MAGI3: variants seen among roughly 807,000 people sequenced by gnomAD.
MAGI3 encodes the protein membrane-associated guanylate kinase, WW and PDZ domain-containing protein 3.
Under a neutral mutation model 121.8 loss-of-function variants are expected in MAGI3, and 43 were observed. That is an observed-to-expected ratio of 0.35 (90% CI 0.28 to 0.46). The LOEUF (loss-of-function observed/expected upper bound fraction) is 0.46, where lower values mean the gene tolerates loss of function less well. MAGI3 is among the 20% of genes least tolerant of loss of function. MAGI3 has a pLI of 1.00. For synonymous variants in MAGI3, 553 were observed against 639.3 expected (o/e 0.86, Z 2.04); for missense variants, 1,547 against 1,797.3 (o/e 0.86, Z 2.52).
chr1:113,601,743 A>G (rs900309507), intron 6 of MAGI3, among the ~76,000 whole-genome samples: 51 of 144,616 alleles, frequency 3.5e-4, no homozygotes, highest in African/African-American at 7.3e-4. Context: ...AAGGACTATA[A>G]ATCATGCTGC....
intron 19 of MAGI3, among the ~76,000 whole-genome samples, chr1:113,677,193 G>C (rs1206862164): frequency 6.6e-6 from 1 of 152,092 alleles, no homozygotes; most frequent in Non-Finnish European, 1.5e-5. Context: ...GAATGGAAAA[G>C]GTTCATATTA....
intron 1 of MAGI3, among the ~76,000 whole-genome samples, chr1:113,508,069 A>T (rs192663428): frequency 2.2e-4 from 33 of 152,356 alleles, no homozygotes; most frequent in African/African-American, 7.5e-4. Flanking sequence ...AAGGAAAGCT[A>T]TGTGGAGCTT....
intron 1 of MAGI3, among the ~76,000 whole-genome samples, chr1:113,412,897 C>T (rs1361674603): frequency 6.6e-6 from 1 of 152,108 alleles, no homozygotes; most frequent in Admixed American, 6.5e-5. Flanking sequence ...TCCCATTTGT[C>T]AATTTTGGCT....
chr1:113,392,780 TCTAA>T (rs879027271), intron 1 of MAGI3, among the ~76,000 whole-genome samples: 3 of 152,222 alleles, frequency 2.0e-5, no homozygotes, highest in Admixed American at 2.0e-4. Flanking sequence ...TTTTCTTAAC[TCTAA>T]CTTTTACAGC....
At chr1:113,614,561 T>C (rs1434630098) in intron 6 of MAGI3, 40 bp from the exon 7 acceptor site, 1 of 1,457,822 alleles carries the variant, frequency 6.9e-7, no homozygotes, top group South Asian at 1.2e-5. Flanking sequence ...TTTCTGTCAG[T>C]TTTGAATCTG....
chr1:113,648,414 CT>C (rs566094328), intron 12 of MAGI3, among the ~76,000 whole-genome samples: 307 of 135,828 alleles, frequency 2.3e-3, no homozygotes, highest in East Asian at 0.011. Flanking sequence ...ACTTAATATT[CT>C]TTTTTTTTTT....
rs372775668 is a variant in MAGI3 at position 113,649,232 on chromosome 1, C to G, written c.2156-5C>G. The G allele has an allele frequency of 1.2e-6, 2 of 1,604,212 alleles. No individual in the cohort carries two copies. The highest frequency in any genetic ancestry group is 2.7e-5 in the African/African-American group (2 of 74,234). On this transcript the variant is annotated splice_polypyrimidine_tract_variant and splice_region_variant and intron_variant, in intron 12 of 20. Transcript: ENST00000307546. ...ATAGTATTTATATTTTCTGATTTTC[C>G]TCAGCACCAAACACCAAAGATTTGG...
intron 9 of MAGI3, among the ~76,000 whole-genome samples, chr1:113,641,017 T>TATATG (rs1557868795): frequency 3.3e-5 from 1 of 30,030 alleles, no homozygotes; most frequent in African/African-American, 1.3e-4. Flanking sequence ...ATATATATGA[T>TATATG]ATATAATATA....
intron 1 of MAGI3, among the ~76,000 whole-genome samples, chr1:113,428,203 A>C (rs969613491): frequency 6.6e-6 from 1 of 152,206 alleles, no homozygotes; most frequent in African/African-American, 2.4e-5. Context: ...CTGCTTAGAA[A>C]TATCTGGCAA....
Position 113,651,149 on chromosome 1 carries a change from ACTG to A in MAGI3, c.2389_2391del (p.Ala797del). 6.2e-7 allele frequency: 1 copy of A among 1,614,124 alleles called. No homozygotes were observed. The highest frequency in any genetic ancestry group is 8.5e-7 in the Non-Finnish European group (1 of 1,180,022). On this transcript the variant is annotated inframe_deletion, in exon 14 of 21. Transcript: ENST00000307546. ...CAAACAAGTCTTGGACCTCATGACA[ACTG>A]CTGCTCGAAATGGCCATGTGTTACT...
At position 113,680,124 on chromosome 1, in the gene MAGI3, T is replaced by C. The variant is rs372022888; in HGVS notation, c.3190-1074T>C. 1.2e-4 allele frequency among the ~76,000 whole-genome samples: 19 copies of C among 152,338 alleles called. No individual in the cohort carries two copies. The East Asian group carries it at 1.7e-3, about 14-fold the overall frequency. On this transcript the variant is annotated intron_variant, in intron 19 of 20. Coordinates refer to ENST00000307546, the MANE Select transcript of MAGI3 (RefSeq NM_001142782.2). Reference sequence around the variant, plus strand: ...TTAAGAATTTTAATCTATAAAGATGTCATTTATTCAAATACCTCATGTATG... The same window carrying C: ...TTAAGAATTTTAATCTATAAAGATGCCATTTATTCAAATACCTCATGTATG...
intron 1 of MAGI3, among the ~76,000 whole-genome samples, chr1:113,520,175 T>C (rs182149578): frequency 2.3e-3 from 326 of 141,350 alleles, no homozygotes; most frequent in Non-Finnish European, 4.1e-3. Flanking sequence ...ACAGATGCTA[T>C]TTTTTTTTTT....
In MAGI3 at chr1:113,585,476, G is replaced by T; in HGVS notation, c.643G>T (p.Asp215Tyr). 6.2e-7 allele frequency: 1 copy of T among 1,614,076 alleles called. No homozygotes were observed. Among genetic ancestry groups the T allele is most frequent in the Non-Finnish European group, 8.5e-7 (1 of 1,179,998 alleles). Residue 215 changes from aspartate to tyrosine, a missense_variant, in exon 4 of 21, where the codon GAT (aspartate) becomes TAT (tyrosine). By Grantham distance (160) the Asp-to-Tyr change is radical (BLOSUM62 -3). Transcript: ENST00000307546. ...TCAAGTCCTCTTTGATAATGAGTTTGATGCAGAATCTCAAAGAAAACGAAC... is the reference window on the plus strand; with the variant it reads ...TCAAGTCCTCTTTGATAATGAGTTTTATGCAGAATCTCAAAGAAAACGAAC... ...VDQVLFDNEF[D>Y]AESQRKRTTS...
intron 16 of MAGI3, among the ~76,000 whole-genome samples, chr1:113,666,383 G>A (rs1654044737): frequency 6.6e-6 from 1 of 152,138 alleles, no homozygotes; most frequent in Non-Finnish European, 1.5e-5. Flanking sequence ...AATCCTTTGT[G>A]GTCATTTCAA....
intron 1 of MAGI3, among the ~76,000 whole-genome samples, chr1:113,407,568 CTG>C (rs985226677): frequency 8.7e-5 from 11 of 126,808 alleles, no homozygotes; most frequent in African/African-American, 2.9e-4. Context: ...ATCCATCAAT[CTG>C]TCTTTTTTTT....
chr1:113,394,872 A>G (rs1203225298), intron 1 of MAGI3, among the ~76,000 whole-genome samples: 1 of 152,140 alleles, frequency 6.6e-6, no homozygotes, highest in Admixed American at 6.5e-5. Context: ...AAGTTGAAAC[A>G]GTTCCTGGGT....
At chr1:113,468,465 G>A (rs1272041585) in intron 1 of MAGI3, among the ~76,000 whole-genome samples, 1 of 152,132 alleles carries the variant, frequency 6.6e-6, no homozygotes, top group Non-Finnish European at 1.5e-5. Flanking sequence ...AAGAACTGAA[G>A]TTTTAATTTT....
At chr1:113,584,478 CTGTT>C (rs1429950944) in intron 3 of MAGI3, among the ~76,000 whole-genome samples, 2 of 152,136 alleles carry the variant, frequency 1.3e-5, no homozygotes, top group African/African-American at 2.4e-5. Context: ...GCTAATGTCT[CTGTT>C]TGTTCAATAA....
At chr1:113,503,064 G>A (rs1657098783) in intron 1 of MAGI3, among the ~76,000 whole-genome samples, 1 of 67,156 alleles carries the variant, frequency 1.5e-5, no homozygotes. Context: ...TCTGGGGACT[G>A]TGGTGGGGTC....
Sources: allele counts gnomAD v4.1 joint callset (sites outside exome capture counted in the v4.1 genomes callset), GRCh38; gene constraint gnomAD v4.1.1; transcripts MANE v1.5; gene names NCBI Gene and HGNC (gene_info 2026-07-23, HGNC 2026-07-21).